Variants in RTL9 observed in about 807,000 individuals in gnomAD.
The protein encoded by RTL9 is retrotransposon Gag like 9.
Under a neutral mutation model 44.7 loss-of-function variants are expected in RTL9, and 19 were observed. That is an observed-to-expected ratio of 0.42 (90% confidence interval 0.30 to 0.62). The LOEUF (loss-of-function observed/expected upper bound fraction) is 0.62. Among genes scored for constraint, RTL9 ranks in the 20% least tolerant of loss-of-function variants. RTL9 has a pLI of 0.16. For missense variants in RTL9, 1,105 were observed against 1,080.6 expected (o/e 1.02, Z -0.32); for synonymous variants, 407 against 398.9 (o/e 1.02, Z -0.24).
intron 1 of RTL9, among the ~76,000 whole-genome samples, chrX:110,422,125 G>A (rs1167965053): frequency 8.9e-6 from 1 of 112,962 alleles, no homozygotes; most frequent in Admixed American, 9.3e-5. Context: ...ATAGTGCCTG[G>A]CACAGAGTAA....
At chrX:110,376,418 A>G (rs939866970) in intron 1 of RTL9, among the ~76,000 whole-genome samples, 1 of 111,635 alleles carries the variant, frequency 9.0e-6, no homozygotes, top group Non-Finnish European at 1.9e-5. Context: ...ACAGGACCAG[A>G]TGGCCTTAAT....
chrX:110,421,146 G>C (rs1420247769), intron 1 of RTL9, among the ~76,000 whole-genome samples: 4 of 112,263 alleles, frequency 3.6e-5, no homozygotes, highest in Non-Finnish European at 7.5e-5. Flanking sequence ...GCACAGCCCA[G>C]CCCGTGAAAA....
At chrX:110,374,336 T>TA (rs1020602868) in intron 1 of RTL9, among the ~76,000 whole-genome samples, 4 of 112,080 alleles carry the variant, frequency 3.6e-5, no homozygotes, top group South Asian at 3.7e-4. Context: ...ATATGCACAT[T>TA]AAAAAAATGA....
At chrX:110,455,150 G>C in intron 1 of RTL9, 52 bp from the exon 4 acceptor site, 1 of 1,200,663 alleles carries the variant, frequency 8.3e-7, no homozygotes, top group South Asian at 1.8e-5. Context: ...CAGAACACCC[G>C]TTGCCATAGT....
Position 110,386,353 on chromosome X carries a change from TTTTA to T in RTL9, c.-168+27445_-168+27448del, listed in dbSNP as rs971675080. Among the ~76,000 whole-genome samples, 4 of 109,971 alleles carry T rather than the reference TTTTA, an allele frequency of 3.6e-5. No homozygotes were observed. The Admixed American group carries it at 3.9e-4, about 11-fold the overall frequency. ...TTATTTTTATTATATTTATTTTATTTTTTATTTATTTTTTATTATAGCCATCCTA... is the reference window on the plus strand; with the variant it reads ...TTATTTTTATTATATTTATTTTATTTTTTATTTTTTATTATAGCCATCCTA... On this transcript the variant is annotated intron_variant, in intron 1 of 2. Coordinates refer to the RTL9 transcript ENST00000520821.
chrX:110,434,128 C>T (rs2068818822), intron 1 of RTL9, among the ~76,000 whole-genome samples: 1 of 111,511 alleles, frequency 9.0e-6, no homozygotes. Context: ...ACATTCCAGG[C>T]AAAGTGAGCA....
upstream of RTL9, among the ~76,000 whole-genome samples, chrX:110,417,481 T>C (rs1242418000): frequency 1.0e-5 from 1 of 99,876 alleles, no homozygotes; most frequent in Non-Finnish European, 1.9e-5. Flanking sequence ...CAAATGAGCA[T>C]TTTTTTTTTA....
chrX:110,399,191 C>A (rs1026413840), intron 1 of RTL9, among the ~76,000 whole-genome samples: 2 of 112,533 alleles, frequency 1.8e-5, no homozygotes, highest in African/African-American at 6.5e-5. Context: ...GCCAGGCACT[C>A]TCCTAAGCAC....
intron 1 of RTL9, among the ~76,000 whole-genome samples, chrX:110,441,627 T>G (rs768313615): frequency 8.9e-6 from 1 of 112,123 alleles, no homozygotes; most frequent in Non-Finnish European, 1.9e-5. Flanking sequence ...TATCACACCT[T>G]AATGAGATCC....
chrX:110,367,886 A>G (rs989837958), intron 1 of RTL9, among the ~76,000 whole-genome samples: 3 of 109,834 alleles, frequency 2.7e-5, no homozygotes, highest in East Asian at 2.8e-4. Flanking sequence ...ATAGCTCACT[A>G]TAACTTCAGA....
upstream of RTL9, among the ~76,000 whole-genome samples, chrX:110,417,606 A>G (rs1441988362): frequency 8.9e-6 from 1 of 111,793 alleles, no homozygotes; most frequent in Non-Finnish European, 1.9e-5. Context: ...TTTTATACAC[A>G]TGAGGAAACA....
At chrX:110,402,828 C>T (rs1195754725) in intron 1 of RTL9, among the ~76,000 whole-genome samples, 1 of 111,980 alleles carries the variant, frequency 8.9e-6, no homozygotes, top group Admixed American at 9.4e-5. Context: ...AAAATAGGTC[C>T]TGAAAGGGGG....
chrX:110,369,092 G>A (rs1189310022), intron 1 of RTL9, among the ~76,000 whole-genome samples: 1 of 111,960 alleles, frequency 8.9e-6, no homozygotes, highest in African/African-American at 3.2e-5. Flanking sequence ...CAGCACTTTG[G>A]GAGGCTGAGG....
chrX:110,453,585 A>G (rs752244983), exon 1 of RTL9: 1 of 1,212,321 alleles, frequency 8.2e-7, no homozygotes, highest in Admixed American at 2.2e-5. Context: ...AGCAACGTCC[A>G]CATTGCAAAC....
chrX:110,428,478 A>G (rs1293100512), intron 1 of RTL9, among the ~76,000 whole-genome samples: 2 of 111,672 alleles, frequency 1.8e-5, no homozygotes, highest in Non-Finnish European at 3.8e-5. Context: ...AACTGAATCA[A>G]TGATGACCTT....
intron 1 of RTL9, among the ~76,000 whole-genome samples, chrX:110,428,430 A>G (rs1227728110): frequency 8.9e-6 from 1 of 111,938 alleles, no homozygotes; most frequent in Non-Finnish European, 1.9e-5. Flanking sequence ...CTCACACATT[A>G]TAGGTGCTCA....
At chrX:110,381,032 G>A (rs1336526194) in intron 1 of RTL9, among the ~76,000 whole-genome samples, 2 of 112,096 alleles carry the variant, frequency 1.8e-5, no homozygotes, top group African/African-American at 3.2e-5. Flanking sequence ...ATCAGCCTAG[G>A]CAAAGAATTT....
intron 1 of RTL9, among the ~76,000 whole-genome samples, chrX:110,394,187 T>C (rs12389230): frequency 0.012 from 1,366 of 113,095 alleles, 9 homozygotes; most frequent in African/African-American, 0.024. Flanking sequence ...ACACTTATTG[T>C]TAATGTTTAA....
chrX:110,371,933 T>C (rs1326691643), intron 1 of RTL9, among the ~76,000 whole-genome samples: 6 of 111,329 alleles, frequency 5.4e-5, no homozygotes, highest in African/African-American at 2.0e-4. Flanking sequence ...TCCACTCACT[T>C]CCCTGTTGAA....
Sources: allele counts gnomAD v4.1 joint callset (sites outside exome capture counted in the v4.1 genomes callset), GRCh38; gene constraint gnomAD v4.1.1; transcripts MANE v1.5; gene names NCBI Gene and HGNC (gene_info 2026-07-23, HGNC 2026-07-21).